LAMA2: variants seen among roughly 807,000 people sequenced by gnomAD.
LAMA2 encodes laminin subunit alpha-2.
A neutral mutation model predicts 364.8 loss-of-function variants in LAMA2; 269 were observed. The observed-to-expected ratio is 0.74, with a 90% confidence interval of 0.67 to 0.82. LAMA2 has a LOEUF of 0.82. Among genes scored for constraint, LAMA2 ranks in the 40% least tolerant of loss-of-function variants. The probability of loss-of-function intolerance (pLI) is 0.00; values close to 1 mark genes in which losing one functional copy is unlikely to be tolerated. For missense variants in LAMA2, 3,807 were observed against 3,873.2 expected (o/e 0.98, Z 0.45); for synonymous variants, 1,379 against 1,370.6 (o/e 1.01, Z -0.14).
intron 1 of LAMA2, among the ~76,000 whole-genome samples, chr6:128,937,809 A>G (rs533184717): frequency 6.6e-6 from 1 of 151,310 alleles, no homozygotes; most frequent in Non-Finnish European, 1.5e-5. Flanking sequence ...AATATGTATT[A>G]TTCCCTTCCC....
intron 9 of LAMA2, among the ~76,000 whole-genome samples, chr6:129,172,993 C>G (rs1199143612): frequency 2.0e-5 from 3 of 152,224 alleles, no homozygotes; most frequent in Non-Finnish European, 4.4e-5. Flanking sequence ...TGACCCCTTG[C>G]GCTTCCCAAG....
intron 35 of LAMA2, among the ~76,000 whole-genome samples, chr6:129,383,889 A>G (rs752246229): frequency 1.2e-4 from 19 of 152,170 alleles, no homozygotes; most frequent in Non-Finnish European, 2.5e-4. Context: ...AATATAATAA[A>G]CGTGCATGCA....
rs562939399 is a variant in LAMA2, at chr6:128,931,476, GT to G, written c.112+48126del. ...GGTTGCATTTTATTTTAAAACTACC[GT>G]TTTTTTCTTCAGAAATCACAACGAG... On this transcript the variant is annotated intron_variant, in intron 1 of 64. Transcript: ENST00000421865. Among the ~76,000 whole-genome samples the G allele has an allele frequency of 8.0e-3, 1,212 of 152,138 alleles. 17 individuals are homozygous for G. Among genetic ancestry groups the G allele is most frequent in the Middle Eastern group, 0.024 (7 of 294 alleles).
Position 129,389,025 on chromosome 6 carries a change from T to C in LAMA2, c.5072-2466T>C, listed in dbSNP as rs766160139. Among the ~76,000 whole-genome samples, 145 of 152,326 alleles carry C rather than the reference T, an allele frequency of 9.5e-4. 4 individuals are homozygous for C. Among genetic ancestry groups the C allele is most frequent in the Non-Finnish European group, 3.7e-4 (25 of 68,022 alleles). On this transcript the variant is annotated intron_variant, in intron 35 of 64. Coordinates refer to ENST00000421865, the MANE Select transcript of LAMA2 (RefSeq NM_000426.4). ...TTCAAACTAATCAGCCTATGGTTAC[T>C]GTGATTCTGTAACAAAATTGAGACA...
At chr6:129,378,045 T>A (rs1258404498) in intron 34 of LAMA2, among the ~76,000 whole-genome samples, 1 of 151,840 alleles carries the variant, frequency 6.6e-6, no homozygotes, top group East Asian at 1.9e-4. Context: ...AGATACAAGA[T>A]ACTGTGTAAG....
chr6:128,903,829 G>A (rs1440100645), intron 1 of LAMA2, among the ~76,000 whole-genome samples: 1 of 152,170 alleles, frequency 6.6e-6, no homozygotes, highest in Non-Finnish European at 1.5e-5. Flanking sequence ...TGTGGAGGAT[G>A]GGGAAGGACG....
chr6:129,396,873 G>A lies in LAMA2; in HGVS notation c.5445+3618G>A, dbSNP rs1021362832. On this transcript the variant is annotated intron_variant, in intron 37 of 64. Coordinates refer to ENST00000421865, the MANE Select transcript of LAMA2 (RefSeq NM_000426.4). The stretch of plus-strand genomic sequence containing the variant: ...ATGCCTGTGGTCCCAGCTACTTGGA[G>A]GCTGAGGTGGGAGGATTGCTTGAGC... Among the ~76,000 whole-genome samples, 24 of 151,980 alleles carry A rather than the reference G, an allele frequency of 1.6e-4. No homozygotes were observed. The South Asian group carries it at 3.9e-3, about 25-fold the overall frequency.
At chr6:129,234,450 G>A (rs1362419183) in intron 12 of LAMA2, among the ~76,000 whole-genome samples, 3 of 152,072 alleles carry the variant, frequency 2.0e-5, no homozygotes, top group Non-Finnish European at 4.4e-5. Context: ...GAATCAGGAT[G>A]TTCAAAGTAT....
At chr6:129,460,348 C>A (rs1783187390) in intron 49 of LAMA2, 24 bp downstream of exon 49, 1 of 1,609,238 alleles carries the variant, frequency 6.2e-7, no homozygotes, top group Non-Finnish European at 8.5e-7. Context: ...AGAACTCTCC[C>A]AGGGTCTGTC....
intron 1 of LAMA2, among the ~76,000 whole-genome samples, chr6:128,989,907 C>T (rs1433552920): frequency 6.6e-6 from 1 of 152,046 alleles, no homozygotes; most frequent in Admixed American, 6.6e-5. Context: ...TCTGTAGCCT[C>T]GCATGATGAA....
chr6:129,296,922 T>C (rs1773220280), intron 20 of LAMA2, among the ~76,000 whole-genome samples: 1 of 152,174 alleles, frequency 6.6e-6, no homozygotes, highest in African/African-American at 2.4e-5. Context: ...TTCAAGAAAG[T>C]CAGCCGAAGC....
rs181442068 is a variant in LAMA2, at chr6:129,388,693, G to A, written c.5072-2798G>A. Among the ~76,000 whole-genome samples, 437 of 151,978 alleles carry A rather than the reference G, an allele frequency of 2.9e-3. 3 individuals carry two copies. Among genetic ancestry groups the A allele is most frequent in the African/African-American group, 0.01 (425 of 41,450 alleles). ...TTTATACACGCACACACACACACGC[G>A]CGCACACACACATATTCATTTAACA... On this transcript the variant is annotated intron_variant, in intron 35 of 64. Coordinates refer to ENST00000421865, the MANE Select transcript of LAMA2 (RefSeq NM_000426.4).
intron 40 of LAMA2, among the ~76,000 whole-genome samples, chr6:129,420,866 A>G (rs1223264350): frequency 6.6e-6 from 1 of 152,116 alleles, no homozygotes; most frequent in Non-Finnish European, 1.5e-5. Context: ...CCAAACATCT[A>G]GGCATTTCTG....
chr6:129,210,857 A>T (rs3778131), intron 12 of LAMA2, among the ~76,000 whole-genome samples: 22,827 of 152,010 alleles, frequency 0.15, 1,853 homozygotes, highest in East Asian at 0.34. Flanking sequence ...GCAACAGAAC[A>T]GATGCTGGCT....
At chr6:129,501,386 C>T (rs1178451799) in intron 58 of LAMA2, among the ~76,000 whole-genome samples, 1 of 152,212 alleles carries the variant, frequency 6.6e-6, no homozygotes, top group Non-Finnish European at 1.5e-5. Context: ...TGACCATCTC[C>T]TGGGAAGCAA....
At chr6:128,982,899 A>C (rs1277411500) in intron 1 of LAMA2, among the ~76,000 whole-genome samples, 3 of 150,928 alleles carry the variant, frequency 2.0e-5, no homozygotes, top group Admixed American at 2.0e-4. Flanking sequence ...ACTGAGAATG[A>C]TGATTTCCAG....
chr6:129,018,818 A>G (rs930564063), intron 1 of LAMA2, among the ~76,000 whole-genome samples: 3 of 152,090 alleles, frequency 2.0e-5, no homozygotes, highest in Non-Finnish European at 2.9e-5. Flanking sequence ...TGACGTAAAT[A>G]TTGTCTAATA....
intron 1 of LAMA2, among the ~76,000 whole-genome samples, chr6:128,927,928 T>G (rs1779198430): frequency 6.6e-6 from 1 of 152,232 alleles, no homozygotes; most frequent in South Asian, 2.1e-4. Flanking sequence ...CACCATTTGC[T>G]TATAGGTCTT....
At chr6:129,361,427 A>G (rs1489909970) in intron 32 of LAMA2, among the ~76,000 whole-genome samples, 1 of 152,204 alleles carries the variant, frequency 6.6e-6, no homozygotes, top group Non-Finnish European at 1.5e-5. Flanking sequence ...AGTAGCTTAA[A>G]ACAACAAGTG....
Sources: allele counts gnomAD v4.1 joint callset (sites outside exome capture counted in the v4.1 genomes callset), GRCh38; gene constraint gnomAD v4.1.1; transcripts MANE v1.5; gene names NCBI Gene and HGNC (gene_info 2026-07-23, HGNC 2026-07-21).